MACROD2: variants seen among roughly 807,000 people sequenced by gnomAD.
The protein encoded by MACROD2 is ADP-ribose glycohydrolase MACROD2.
In MACROD2, 36 loss-of-function variants were observed where a neutral mutation model predicts 70.4. That is an observed-to-expected ratio of 0.51 (90% CI 0.39 to 0.68). MACROD2 has a LOEUF of 0.68. Among genes scored for constraint, MACROD2 ranks in the 30% least tolerant of loss-of-function variants. The pLI is 0.00. For missense variants in MACROD2, 496 were observed against 538.4 expected (o/e 0.92, Z 0.78); for synonymous variants, 172 against 178.8 (o/e 0.96, Z 0.30).
intron 8 of MACROD2, among the ~76,000 whole-genome samples, chr20:15,760,454 G>C (rs2051419416): frequency 6.6e-6 from 1 of 152,174 alleles, no homozygotes; most frequent in African/African-American, 2.4e-5. Context: ...CAGCCCAGTG[G>C]CTGCTGCAGG....
intron 12 of MACROD2, among the ~76,000 whole-genome samples, chr20:15,965,168 A>G (rs2066121971): frequency 6.6e-6 from 1 of 152,224 alleles, no homozygotes. Flanking sequence ...TAATAGTGCA[A>G]AGAACAACTG....
chr20:14,732,502 C>T (rs529297089), intron 5 of MACROD2, among the ~76,000 whole-genome samples: 7 of 152,154 alleles, frequency 4.6e-5, no homozygotes, highest in East Asian at 3.9e-4. Context: ...TCCCTAAGGC[C>T]GTGTAAGTCA....
At chr20:14,631,916 A>G (rs1984536657) in intron 4 of MACROD2, 1 of 152,242 alleles carries the variant, frequency 6.6e-6, no homozygotes, top group African/African-American at 2.4e-5. Context: ...TGCAATGAGC[A>G]TGCCAGTTGG....
chr20:15,069,653 G>T (rs888183896), intron 5 of MACROD2, among the ~76,000 whole-genome samples: 13 of 152,348 alleles, frequency 8.5e-5, no homozygotes, highest in African/African-American at 3.1e-4. Context: ...AGCTTGGGCT[G>T]CCACTGTGGA....
At position 15,964,934 on chromosome 20, in the gene MACROD2, G is replaced by A. The variant is rs146520760; in HGVS notation, c.908-2619G>A. ...ATTTCTGGAGCAAAGTTTCACATAC[G>A]TGACAGTGAACTTGTGGGTTTGGTG... On this transcript the variant is annotated intron_variant, in intron 12 of 17. Coordinates refer to ENST00000684519, the MANE Select transcript of MACROD2 (RefSeq NM_001351661.2). Among the ~76,000 whole-genome samples, 18 of 152,254 alleles carry A rather than the reference G, an allele frequency of 1.2e-4. No individual in the cohort carries two copies. In the East Asian group the frequency reaches 2.5e-3, roughly 21 times the overall value.
At chr20:14,043,406 G>T (rs192104991) in intron 2 of MACROD2, among the ~76,000 whole-genome samples, 3 of 152,184 alleles carry the variant, frequency 2.0e-5, no homozygotes. Context: ...GGTATAGGAA[G>T]GGGCATAGAG....
chr20:15,785,579 T>A (rs1454284626), intron 8 of MACROD2, among the ~76,000 whole-genome samples: 2 of 152,228 alleles, frequency 1.3e-5, no homozygotes, highest in East Asian at 3.9e-4. Context: ...ATTTTCTATG[T>A]TCTGTAAGTA....
chr20:14,403,998 T>C (rs142452793), intron 3 of MACROD2, among the ~76,000 whole-genome samples: 53 of 152,218 alleles, frequency 3.5e-4, no homozygotes, highest in Middle Eastern at 6.8e-3. Context: ...TAAATTAGAA[T>C]AACCAGTTAA....
At chr20:14,046,949 A>G (rs911695920) in intron 2 of MACROD2, among the ~76,000 whole-genome samples, 1 of 152,124 alleles carries the variant, frequency 6.6e-6, no homozygotes, top group African/African-American at 2.4e-5. Context: ...AAACTGTGGT[A>G]TATCTATCTA....
At chr20:14,694,068 A>G (rs984035122) in intron 5 of MACROD2, among the ~76,000 whole-genome samples, 4 of 152,200 alleles carry the variant, frequency 2.6e-5, no homozygotes, top group African/African-American at 4.8e-5. Flanking sequence ...CAGAGAGAGG[A>G]TGCTAATGAA....
chr20:14,595,508 C>A (rs1210986559), intron 4 of MACROD2, among the ~76,000 whole-genome samples: 1 of 152,182 alleles, frequency 6.6e-6, no homozygotes, highest in Non-Finnish European at 1.5e-5. Context: ...AACCCCCTTA[C>A]ACTTGGCTGT....
At chr20:14,075,314 C>T (rs2053903610) in intron 2 of MACROD2, among the ~76,000 whole-genome samples, 1 of 152,266 alleles carries the variant, frequency 6.6e-6, no homozygotes, top group East Asian at 1.9e-4. Context: ...GCTTAGTTAC[C>T]GTGGAAAAGA....
intron 7 of MACROD2, among the ~76,000 whole-genome samples, chr20:15,457,995 C>T (rs986651852): frequency 6.6e-6 from 1 of 151,420 alleles, no homozygotes; most frequent in South Asian, 2.1e-4. Flanking sequence ...GTACCTAGGG[C>T]CGCATCTGAT....
At chr20:14,948,005 G>A (rs934287436) in intron 5 of MACROD2, among the ~76,000 whole-genome samples, 2 of 151,968 alleles carry the variant, frequency 1.3e-5, no homozygotes, top group Non-Finnish European at 2.9e-5. Context: ...AACTTTCAAG[G>A]AGCAGCTCCC....
At chr20:14,316,054 G>A (rs767567330) in intron 3 of MACROD2, among the ~76,000 whole-genome samples, 16 of 152,126 alleles carry the variant, frequency 1.1e-4, no homozygotes, top group South Asian at 2.1e-4. Context: ...CAACTTCAGC[G>A]CAAAGCTAGG....
intron 3 of MACROD2, among the ~76,000 whole-genome samples, chr20:14,236,553 A>G (rs2081873860): frequency 1.3e-5 from 2 of 152,142 alleles, no homozygotes. Context: ...AATCAAATTA[A>G]CAAACATTTA....
chr20:14,683,420 A>G (rs1385550738), intron 4 of MACROD2, among the ~76,000 whole-genome samples: 1 of 152,178 alleles, frequency 6.6e-6, no homozygotes, highest in African/African-American at 2.4e-5. Flanking sequence ...TATCTGGTAA[A>G]TGTTTAAGTC....
At chr20:15,890,490 T>G (rs1156307481) in intron 10 of MACROD2, among the ~76,000 whole-genome samples, 1 of 152,168 alleles carries the variant, frequency 6.6e-6, no homozygotes, top group Non-Finnish European at 1.5e-5. Flanking sequence ...GTATTTGCAC[T>G]CGGTGAGCTG....
At chr20:15,983,520 A>G (rs1196612282) in intron 13 of MACROD2, among the ~76,000 whole-genome samples, 1 of 152,186 alleles carries the variant, frequency 6.6e-6, no homozygotes, top group Non-Finnish European at 1.5e-5. Flanking sequence ...AGGAATGCTA[A>G]GTCTCCTCCT....
Sources: gnomAD v4.1 joint callset for allele counts (sites outside exome capture counted in the v4.1 genomes callset) on GRCh38, gnomAD v4.1.1 for gene constraint, MANE v1.5 for transcripts, NCBI Gene and HGNC (gene_info 2026-07-23, HGNC 2026-07-21) for gene names.